Variants in CFAP100 observed in about 807,000 individuals in gnomAD.
CFAP100 encodes the protein cilia and flagella associated protein 100, also known as cilia- and flagella-associated protein 100.
A neutral mutation model predicts 81.5 loss-of-function variants in CFAP100; 70 were observed. That is an observed-to-expected ratio of 0.86 (90% CI 0.71 to 1.05). The LOEUF is 1.05. Ranked by LOEUF, CFAP100 falls within the 50% of genes least tolerant of loss-of-function variation. The probability of loss-of-function intolerance (pLI) is 0.00; values close to 1 mark genes in which losing one functional copy is unlikely to be tolerated. For missense variants in CFAP100, 811 were observed against 776.5 expected, an observed-to-expected ratio of 1.04 and a Z score of -0.53; for synonymous variants, 341 against 314.8, an observed-to-expected ratio of 1.08 and a Z score of -0.88.
At chr3:126,416,732 T>C (rs1560071953) in intron 5 of CFAP100, 1 of 435,856 alleles carries the variant, frequency 2.3e-6, no homozygotes, top group Non-Finnish European at 4.0e-6. Context: ...AATAGAATAG[T>C]TCCCCACCTT....
intron 8 of CFAP100, 87 bp downstream of exon 8, chr3:126,419,243 T>A: frequency 1.2e-6 from 1 of 843,952 alleles, no homozygotes; most frequent in Non-Finnish European, 1.8e-6. Context: ...CCTAGCACCA[T>A]GTGAACCTCA....
intron 2 of CFAP100, among the ~76,000 whole-genome samples, chr3:126,399,986 G>A (rs962081411): frequency 6.6e-6 from 1 of 152,088 alleles, no homozygotes; most frequent in Non-Finnish European, 1.5e-5. Context: ...CCGGCTCAGC[G>A]GCTGGCCATT....
chr3:126,436,246 C>T (rs372775299), intron 16 of CFAP100, 45 bp from the exon 17 acceptor site: 10 of 1,495,896 alleles, frequency 6.7e-6, no homozygotes, highest in African/African-American at 4.1e-5. Flanking sequence ...TATGGGCATA[C>T]GGCTCACTAG....
chr3:126,434,643 G>C lies in CFAP100; in HGVS notation c.1628+262G>C, dbSNP rs1193503061. ...AGGGAGGGACAGGGTCTAGAAGATA[G>C]AAGAGCTGGAGCTTAGTTAGAGTGT... On this transcript the variant is annotated intron_variant, in intron 15 of 16. Transcript: ENST00000352312. 1.5e-5 allele frequency: 7 copies of C among 457,340 alleles called. No individual in the cohort carries two copies. The South Asian group carries it at 1.9e-4, about 12-fold the overall frequency. 28.3% of individuals were successfully genotyped at this position (457,340 alleles called of 1,614,324 possible).
chr3:126,422,143 TGGG>T (rs1300687375), intron 11 of CFAP100, among the ~76,000 whole-genome samples: 1 of 152,176 alleles, frequency 6.6e-6, no homozygotes, highest in Non-Finnish European at 1.5e-5. Flanking sequence ...AGAGGGAACA[TGGG>T]GGCTGAAGTC....
intron 13 of CFAP100, among the ~76,000 whole-genome samples, chr3:126,426,584 TA>T (rs1417825373): frequency 6.6e-6 from 1 of 152,106 alleles, no homozygotes; most frequent in Non-Finnish European, 1.5e-5. Flanking sequence ...ACCCCGTCTC[TA>T]CTAAAATACA....
chr3:126,411,361 G>GTTTTTTTTTTTTTTTTTTTTTTTTTT lies in CFAP100; in HGVS notation c.131-2723_131-2698dup, dbSNP rs58954079. Among the ~76,000 whole-genome samples the GTTTTTTTTTTTTTTTTTTTTTTTTTT allele has an allele frequency of 4.0e-4, 14 of 35,386 alleles. 5 individuals carry two copies. Among genetic ancestry groups the GTTTTTTTTTTTTTTTTTTTTTTTTTT allele is most frequent in the Admixed American group, 1.1e-3 (2 of 1,836 alleles). The allele number at this position is 35,386 out of a possible 152,430, so 23.2% of individuals were successfully genotyped here. A position where few individuals can be genotyped will look rare whatever the true frequency, so the allele number is the denominator to read the frequency against. ...TCTGTAGTTTTTTTTGTTGTTGTTG[G>GTTTTTTTTTTTTTTTTTTTTTTTTTT]TTTTTTTTTTTTTTTTTTTTTTTTT... On this transcript the variant is annotated intron_variant, in intron 3 of 16. Transcript: ENST00000352312.
intron 3 of CFAP100, among the ~76,000 whole-genome samples, chr3:126,408,719 C>T (rs111783978): frequency 9.8e-5 from 15 of 152,296 alleles, no homozygotes; most frequent in African/African-American, 3.4e-4. Flanking sequence ...GGGAGAAAGT[C>T]CTGGGGGCGA....
intron 2 of CFAP100, among the ~76,000 whole-genome samples, chr3:126,405,224 T>C (rs1044822466): frequency 2.0e-5 from 3 of 152,210 alleles, no homozygotes; most frequent in Admixed American, 6.5e-5. Flanking sequence ...CAGCATACAG[T>C]ATTTGTCCTT....
chr3:126,436,172 T>A (rs1933437217), intron 16 of CFAP100, 119 bp from the exon 17 acceptor site: 1 of 689,266 alleles, frequency 1.5e-6, no homozygotes, highest in Non-Finnish European at 2.6e-6. Context: ...CCTGCAGGGC[T>A]GACCAGAGTG....
intron 13 of CFAP100, among the ~76,000 whole-genome samples, chr3:126,431,014 A>C (rs142283792): frequency 7.0e-4 from 107 of 152,232 alleles, no homozygotes; most frequent in Non-Finnish European, 1.2e-3. Flanking sequence ...CTATCTGCAC[A>C]TTTGAAGAAG....
In CFAP100 at chr3:126,435,686, AG is replaced by A. The variant is rs752671800; in HGVS notation, c.1722+39del. The A allele has an allele frequency of 3.8e-6, 6 of 1,562,540 alleles. No individual in the cohort carries two copies. In the South Asian group the frequency reaches 6.8e-5, roughly 18 times the overall value. On this transcript the variant is annotated intron_variant, in intron 16 of 16. Transcript: ENST00000352312. ...GGTCGCCTTGGGGGGTCTCTGCTGG[AG>A]GGGGTCCCAAGACAGCATGGCAGCT...
At chr3:126,414,045 G>C in intron 3 of CFAP100, 40 bp from the exon 4 acceptor site, 1 of 1,464,082 alleles carries the variant, frequency 6.8e-7, no homozygotes, top group Non-Finnish European at 9.6e-7. Context: ...CCGCCTGGAA[G>C]AGCTGGCTCC....
At chr3:126,406,375 C>A (rs1412662493) in intron 2 of CFAP100, among the ~76,000 whole-genome samples, 2 of 152,200 alleles carry the variant, frequency 1.3e-5, no homozygotes, top group Non-Finnish European at 2.9e-5. Flanking sequence ...CACAGTCCCT[C>A]CCCCATCCCG....
At chr3:126,423,985 C>T (rs929889924) in intron 13 of CFAP100, among the ~76,000 whole-genome samples, 1 of 152,206 alleles carries the variant, frequency 6.6e-6, no homozygotes, top group Non-Finnish European at 1.5e-5. Flanking sequence ...GCGACCCTGA[C>T]CCCCCAGTTC....
In CFAP100 at chr3:126,411,623, C is replaced by A. The variant is rs147746234; in HGVS notation, c.131-2462C>A. Among the ~76,000 whole-genome samples, 1,259 of 151,936 alleles carry A rather than the reference C, an allele frequency of 8.3e-3. 21 individuals carry two copies. The highest frequency in any genetic ancestry group is 0.027 in the African/African-American group (1,106 of 41,460). On this transcript the variant is annotated intron_variant, in intron 3 of 16. Coordinates refer to ENST00000352312, the MANE Select transcript of CFAP100 (RefSeq NM_182628.3). ...ATTGGTCTATTCAGGGTTTCTATTT[C>A]TTCCTGATTTAATCTAGGAGAGTTG...
At chr3:126,396,110 G>C in intron 2 of CFAP100, 61 bp downstream of exon 2, 1 of 1,297,034 alleles carries the variant, frequency 7.7e-7, no homozygotes, top group Non-Finnish European at 1.1e-6. Flanking sequence ...AGCCTGTCCA[G>C]CTCCCTCACA....
At chr3:126,415,045 G>A (rs529094646) in intron 4 of CFAP100, among the ~76,000 whole-genome samples, 1 of 152,242 alleles carries the variant, frequency 6.6e-6, no homozygotes, top group South Asian at 2.1e-4. Flanking sequence ...TCCTAGACTG[G>A]CTGAGACCCA....
intron 2 of CFAP100, 133 bp from the exon 3 acceptor site, chr3:126,407,039 C>G: frequency 1.8e-6 from 1 of 567,620 alleles, no homozygotes; most frequent in Non-Finnish European, 3.2e-6. Flanking sequence ...GATGTAGAGC[C>G]CTCAGTCTCA....
Sources: gnomAD v4.1 joint callset for allele counts (sites outside exome capture counted in the v4.1 genomes callset) on GRCh38, gnomAD v4.1.1 for gene constraint, MANE v1.5 for transcripts, NCBI Gene and HGNC (gene_info 2026-07-23, HGNC 2026-07-21) for gene names.